The following SCAF4 variants were observed in gnomAD, a reference collection of about 807,000 sequenced individuals.
The protein encoded by SCAF4 is SR-related CTD associated factor 4.
In SCAF4, 25 loss-of-function variants were observed where a neutral mutation model predicts 129.8. The observed-to-expected ratio is 0.19, with a 90% CI of 0.14 to 0.27. The LOEUF (loss-of-function observed/expected upper bound fraction) is 0.27. Ranked by LOEUF, SCAF4 falls within the 10% of genes least tolerant of loss-of-function variation. SCAF4 has a pLI of 1.00. For missense variants in SCAF4, 1,246 were observed against 1,457.1 expected (o/e 0.86, Z 2.36); for synonymous variants, 551 against 497.7 (o/e 1.11, Z -1.43).
intron 1 of SCAF4, among the ~76,000 whole-genome samples, chr21:31,716,732 T>C (rs1207689969): frequency 1.3e-5 from 2 of 152,182 alleles, no homozygotes; most frequent in Non-Finnish European, 2.9e-5. Flanking sequence ...ACAGTCCTTT[T>C]CTTAACCTGG....
intron 9 of SCAF4, among the ~76,000 whole-genome samples, chr21:31,695,188 T>C (rs1466452610): frequency 6.6e-6 from 1 of 152,230 alleles, no homozygotes; most frequent in Non-Finnish European, 1.5e-5. Context: ...CTGTAACTCT[T>C]TTTAAAATTA....
At chr21:31,696,073 G>A in intron 9 of SCAF4, 40 bp downstream of exon 9, 1 of 1,431,980 alleles carries the variant, frequency 7.0e-7, no homozygotes, top group South Asian at 1.2e-5. Context: ...GCTCTATAAT[G>A]AATAGATCTT....
chr21:31,690,740 TCATATGTACTA>T, intron 15 of SCAF4, 46 bp downstream of exon 15: 2 of 1,498,906 alleles, frequency 1.3e-6, no homozygotes, highest in Non-Finnish European at 1.8e-6. Flanking sequence ...ATTCGATTTG[TCATATGTACTA>T]CCAAGCAAAT....
intron 6 of SCAF4, 122 bp from the exon 7 acceptor site, chr21:31,701,293 GA>G (rs756454762): frequency 1.7e-5 from 13 of 752,156 alleles, no homozygotes; most frequent in Admixed American, 1.1e-4. Flanking sequence ...ACAAATTGGG[GA>G]AAAAATCCTT....
intron 1 of SCAF4, among the ~76,000 whole-genome samples, chr21:31,711,737 A>G (rs906882784): frequency 9.2e-5 from 14 of 152,186 alleles, no homozygotes; most frequent in African/African-American, 2.9e-4. Context: ...TTAAGTGGGG[A>G]AAAATTGCAA....
chr21:31,678,019 A>G (rs2049902288), intron 19 of SCAF4, among the ~76,000 whole-genome samples: 1 of 152,160 alleles, frequency 6.6e-6, no homozygotes, highest in Admixed American at 6.5e-5. Flanking sequence ...ATGCTGAAGA[A>G]TTTTGTCCTC....
At chr21:31,696,301 T>G (rs2050384052) in intron 8 of SCAF4, 80 bp from the exon 9 acceptor site, 2 of 1,040,166 alleles carry the variant, frequency 1.9e-6, no homozygotes. Flanking sequence ...AACAGAGTGT[T>G]GTTCATGAGT....
intron 19 of SCAF4, among the ~76,000 whole-genome samples, chr21:31,678,762 C>T (rs918192867): frequency 1.2e-4 from 18 of 152,308 alleles, no homozygotes; most frequent in Non-Finnish European, 2.5e-4. Flanking sequence ...CTCTTCATTA[C>T]TGGTTCAGAT....
rs767263244 is a variant in SCAF4 at position 31,685,651 on chromosome 21, G to A, written c.2126C>T (p.Pro709Leu). ...AGGAGGAACACCAGGACCAAAGCCT[G>A]GAGGCGGTATTCCCAGAGGAGGCGT... Reference protein sequence around the residue: ...AFTPPLGIPPPGFGPGVPPPP... With the variant: ...AFTPPLGIPPLGFGPGVPPPP... The change falls in exon 17 of 20, where the codon CCA becomes CTA. Residue 709 changes from proline (P) to leucine (L), a missense_variant. Physicochemically the swap from Pro to Leu is moderately conservative, Grantham distance 98. This residue lies in a region of SCAF4 where 468 missense variants were observed against 605.5 expected (regional missense o/e 0.77). Transcript: ENST00000286835. 6.2e-7 allele frequency: 1 copy of A among 1,614,008 alleles called. No individual in the cohort carries two copies. Among genetic ancestry groups the A allele is most frequent in the Non-Finnish European group, 8.5e-7 (1 of 1,179,960 alleles).
chr21:31,682,880 T>C (rs2050028618), intron 19 of SCAF4, among the ~76,000 whole-genome samples: 1 of 152,226 alleles, frequency 6.6e-6, no homozygotes, highest in Admixed American at 6.5e-5. Flanking sequence ...TGGTTAGTCT[T>C]AGATGAACCC....
At chr21:31,701,316 T>TA (rs2123580437) in intron 6 of SCAF4, 145 bp from the exon 7 acceptor site, 1 of 622,590 alleles carries the variant, frequency 1.6e-6, no homozygotes, top group South Asian at 3.6e-5. Flanking sequence ...TATGAATGGT[T>TA]AAATTTGTTG....
At chr21:31,700,969 G>C in intron 7 of SCAF4, 26 bp downstream of exon 7, 5 of 1,606,656 alleles carry the variant, frequency 3.1e-6, no homozygotes, top group Non-Finnish European at 4.3e-6. Context: ...ATAAATGGTG[G>C]GGTGGGTTAT....
rs1416253205 is a variant in SCAF4, at chr21:31,731,725, G to A, written c.-33C>T. On this transcript the variant is annotated 5_prime_UTR_variant, in exon 1 of 20. Transcript: ENST00000286835. Reference sequence around the variant, plus strand: ...CTGCGGCGGCGGCTGCTCCGGGCCCGCCGGTCACATAGACCTCGCGCCGCG... The same window carrying A: ...CTGCGGCGGCGGCTGCTCCGGGCCCACCGGTCACATAGACCTCGCGCCGCG... 5.7e-6 allele frequency: 9 copies of A among 1,571,834 alleles called. No individual in the cohort carries two copies. The highest frequency in any genetic ancestry group is 7.7e-6 in the Non-Finnish European group (9 of 1,165,974).
intron 13 of SCAF4, 57 bp from the exon 14 acceptor site, chr21:31,691,987 A>G (rs1315724166): frequency 5.6e-6 from 5 of 891,858 alleles, no homozygotes; most frequent in African/African-American, 1.7e-5. Flanking sequence ...GCAACAAGAT[A>G]CAACACCAAG....
chr21:31,684,950 A>G (rs1050420164), intron 19 of SCAF4, 99 bp downstream of exon 19: 2 of 622,338 alleles, frequency 3.2e-6, no homozygotes, highest in Admixed American at 5.7e-5. Flanking sequence ...TTTTACCAAA[A>G]TTAACATTGT....
Position 31,727,126 on chromosome 21 carries a change from T to C in SCAF4, c.30+4537A>G, listed in dbSNP as rs560942255. Among the ~76,000 whole-genome samples, 99 of 152,320 alleles carry C rather than the reference T, an allele frequency of 6.5e-4. 1 individual carries two copies. Among genetic ancestry groups the C allele is most frequent in the African/African-American group, 2.3e-3 (96 of 41,570 alleles). Reference sequence around the variant, plus strand: ...TGGACTCTCACACTGTTGCCCAAGCTGGAGTGCAGTGGCCCAATCTCGGTT... The same window carrying C: ...TGGACTCTCACACTGTTGCCCAAGCCGGAGTGCAGTGGCCCAATCTCGGTT... On this transcript the variant is annotated intron_variant, in intron 1 of 19. Transcript: ENST00000286835.
At position 31,696,338 on chromosome 21, in the gene SCAF4, T is replaced by A. The variant is rs117014373; in HGVS notation, c.960-117A>T. On this transcript the variant is annotated intron_variant, in intron 8 of 19. Coordinates refer to ENST00000286835, the MANE Select transcript of SCAF4 (RefSeq NM_020706.2). ...ATTAACATTTTACTGAACCATATAT[T>A]TACCTATATATTAAATTTAATTTAT... The A allele has an allele frequency of 1.6e-4, 121 of 745,600 alleles. 1 individual carries two copies. In the East Asian group the frequency reaches 3.2e-3, roughly 20 times the overall value. The allele number at this position is 745,600 out of a possible 1,614,324, so 46.2% of individuals were successfully genotyped here. A position where few individuals can be genotyped will look rare whatever the true frequency, so the allele number is the denominator to read the frequency against.
intron 10 of SCAF4, 103 bp downstream of exon 10, chr21:31,694,710 T>C (rs1159261013): frequency 1.7e-6 from 2 of 1,168,534 alleles, no homozygotes; most frequent in East Asian, 2.5e-5. Flanking sequence ...TACCCAGGTC[T>C]TTCTTCATAT....
chr21:31,710,656 C>G (rs1473056406), intron 1 of SCAF4, among the ~76,000 whole-genome samples: 1 of 152,122 alleles, frequency 6.6e-6, no homozygotes, highest in Non-Finnish European at 1.5e-5. Context: ...AGCACCAGGA[C>G]AAAGTAGAAT....
Sources: gnomAD v4.1 joint callset for allele counts (sites outside exome capture counted in the v4.1 genomes callset) on GRCh38, gnomAD v4.1.1 for gene constraint, gnomAD v4.1.1 regional missense constraint, MANE v1.5 for transcripts, NCBI Gene and HGNC (gene_info 2026-07-23, HGNC 2026-07-21) for gene names.